RARG: variants seen among roughly 807,000 people sequenced by gnomAD.
RARG encodes the protein RAR-gamma.
RARG carries 17 observed loss-of-function variants against 43.7 expected under a neutral mutation model. The ratio of observed to expected loss-of-function variants is 0.39; its 90% CI spans 0.27 to 0.58. RARG has a LOEUF of 0.58. Ranked by LOEUF, RARG falls within the 20% of genes least tolerant of loss-of-function variation. The pLI, the probability that RARG is intolerant of heterozygous loss-of-function variation, is 0.57. For synonymous variants in RARG, 238 were observed against 236.4 expected, an observed-to-expected ratio of 1.01 and a Z score of -0.06; for missense variants, 346 against 598.7, an observed-to-expected ratio of 0.58 and a Z score of 4.40.
intron 9 of RARG, 102 bp downstream of exon 9, chr12:53,212,981 CTG>C: frequency 7.7e-7 from 1 of 1,301,468 alleles, no homozygotes; most frequent in South Asian, 1.7e-5. Flanking sequence ...TGTAGATTGC[CTG>C]GTTCTCAACT....
At chr12:53,214,025 C>G (rs770013416) in intron 7 of RARG, 34 bp downstream of exon 7, 1 of 1,593,068 alleles carries the variant, frequency 6.3e-7, no homozygotes, top group Non-Finnish European at 8.6e-7. Flanking sequence ...ATATGTGGGT[C>G]GGGCTGTGGC....
chr12:53,217,855 G>A (rs192949670), intron 3 of RARG, among the ~76,000 whole-genome samples: 383 of 152,228 alleles, frequency 2.5e-3, no homozygotes, highest in Non-Finnish European at 3.3e-3. Context: ...CTTTATAACC[G>A]GCTGTAAACG....
intron 2 of RARG, among the ~76,000 whole-genome samples, chr12:53,228,814 T>A (rs1312222017): frequency 6.6e-6 from 1 of 152,192 alleles, no homozygotes; most frequent in Non-Finnish European, 1.5e-5. Context: ...CCTCAGATGA[T>A]CCGCCCACCT....
intron 2 of RARG, among the ~76,000 whole-genome samples, chr12:53,228,288 TA>T (rs1943155533): frequency 6.6e-6 from 1 of 152,230 alleles, no homozygotes; most frequent in African/African-American, 2.4e-5. Context: ...GCATGTCACT[TA>T]ATCTCTCTGT....
chr12:53,225,719 C>A (rs1592447262), intron 3 of RARG, among the ~76,000 whole-genome samples: 2 of 152,350 alleles, frequency 1.3e-5, no homozygotes, highest in East Asian at 3.8e-4. Context: ...TTGGAACCCC[C>A]ACCTGTAATG....
At chr12:53,231,357 C>T (rs757898959) in intron 1 of RARG, 122 bp from the exon 2 acceptor site, 1 of 152,238 alleles carries the variant, frequency 6.6e-6, no homozygotes, top group African/African-American at 2.4e-5. Context: ...CAGAGGTGCC[C>T]CCCACCTTGG....
In RARG at chr12:53,213,710, G is replaced by A; in HGVS notation, c.814-10C>T. On this transcript the variant is annotated splice_polypyrimidine_tract_variant and intron_variant, in intron 7 of 9. Transcript: ENST00000425354. This position sits in a 1 kb window ranked among gnomAD's most constrained non-coding sequence, Gnocchi z 4.7. The stretch of plus-strand genomic sequence containing the variant: ...TGCAGATACGCAGCATCTGGAGGTG[G>A]GGGGTGGAGGAGGGTTAGTGCTGTT... 6.2e-7 allele frequency: 1 copy of A among 1,605,126 alleles called. No homozygotes were observed. The highest frequency in any genetic ancestry group is 8.5e-7 in the Non-Finnish European group (1 of 1,172,414).
Position 53,213,708 on chromosome 12 carries a change from T to A in RARG, c.814-8A>T. 6.3e-7 allele frequency: 1 copy of A among 1,576,628 alleles called. No homozygotes were observed. Among genetic ancestry groups the A allele is most frequent in the South Asian group, 1.1e-5 (1 of 88,348 alleles). ...TGTGCAGATACGCAGCATCTGGAGG[T>A]GGGGGGTGGAGGAGGGTTAGTGCTG... On this transcript the variant is annotated splice_region_variant and splice_polypyrimidine_tract_variant and intron_variant, in intron 7 of 9. Coordinates refer to ENST00000425354, the MANE Select transcript of RARG (RefSeq NM_000966.6). The surrounding 1 kb of genome is among the most constrained non-coding windows in gnomAD (Gnocchi z 4.7).
chr12:53,214,094 T>C lies in RARG; in HGVS notation c.778A>G (p.Ile260Val), dbSNP rs1942688567. 2 of 1,613,902 alleles carry C rather than the reference T, an allele frequency of 1.2e-6. No homozygotes were observed. Among genetic ancestry groups the C allele is most frequent in the African/African-American group, 1.3e-5 (1 of 74,900 alleles). ...GFTGLSIADQ[I>V]TLLKAACLDI... ...AGGCAGGCAGCTTTGAGCAGAGTGA[T>C]CTGGTCAGCAATGCTGAGCCCTGTA... The change falls in exon 7 of 10, where the codon ATC becomes GTC. Residue 260 changes from isoleucine (I) to valine (V), a missense_variant. Ile to Val is a conservative substitution (Grantham distance 29). Transcript: ENST00000425354.
At chr12:53,217,052 C>T (rs1488383510) in intron 3 of RARG, among the ~76,000 whole-genome samples, 1 of 152,102 alleles carries the variant, frequency 6.6e-6, no homozygotes, top group Non-Finnish European at 1.5e-5. Flanking sequence ...CAGAAGCCCG[C>T]CCCAACGCAG....
chr12:53,211,590 C>A lies in RARG; in HGVS notation c.*86G>T. 1.6e-6 allele frequency: 2 copies of A among 1,247,024 alleles called. No homozygotes were observed. Among genetic ancestry groups the A allele is most frequent in the South Asian group, 1.8e-5 (1 of 54,454 alleles). 77.2% of individuals were successfully genotyped at this position (1,247,024 alleles called of 1,614,324 possible). ...GGGGTGGGGAGAGGGCAGAGCAGGTCCTCCCCCAGTCACTGGCGGTCTGGG... is the reference window on the plus strand; with the variant it reads ...GGGGTGGGGAGAGGGCAGAGCAGGTACTCCCCCAGTCACTGGCGGTCTGGG... On this transcript the variant is annotated 3_prime_UTR_variant, in exon 10 of 10. Transcript: ENST00000425354. This position sits in a 1 kb window ranked among gnomAD's most constrained non-coding sequence, Gnocchi z 4.6.
rs767403543 is a variant in RARG at position 53,215,360 on chromosome 12, C to A, written c.408G>T (p.Lys136Asn). 6.2e-7 allele frequency: 1 copy of A among 1,614,130 alleles called. No homozygotes were observed. Among genetic ancestry groups the A allele is most frequent in the Non-Finnish European group, 8.5e-7 (1 of 1,180,012 alleles). ...AGTACTGGCAGCGATTCCTGGTCAC[C>A]TTGTTGATGATACAGTTTTTGTCGC... ...CHRDKNCIIN[K>N]VTRNRCQYCR... The change falls in exon 5 of 10, where the codon AAG becomes AAT. Residue 136 changes from lysine to asparagine, a missense_variant. Transcript: ENST00000425354. This position sits in a 1 kb window ranked among gnomAD's most constrained non-coding sequence, Gnocchi z 6.4.
At chr12:53,214,702 T>C in intron 5 of RARG, 96 bp from the exon 6 acceptor site, 1 of 1,237,022 alleles carries the variant, frequency 8.1e-7, no homozygotes, top group East Asian at 2.6e-5. Context: ...GTCCTTATCA[T>C]GAATATCTAT....
chr12:53,230,124 G>A lies in RARG; in HGVS notation c.-143+1045C>T, dbSNP rs143870016. 311 of 322,804 alleles carry A rather than the reference G, an allele frequency of 9.6e-4. 2 individuals are homozygous for A. Among genetic ancestry groups the A allele is most frequent in the African/African-American group, 6.0e-3 (268 of 44,426 alleles). The allele number at this position is 322,804 out of a possible 1,614,324, so 20.0% of individuals were successfully genotyped here. Reference sequence around the variant, plus strand: ...ACTAAGGAATTGAAGGCAGTGCAGAGTAAAAGGAAGTCCTAAACTGAGGCC... The same window carrying A: ...ACTAAGGAATTGAAGGCAGTGCAGAATAAAAGGAAGTCCTAAACTGAGGCC... On this transcript the variant is annotated intron_variant, in intron 2 of 9. Transcript: ENST00000425354.
intron 3 of RARG, among the ~76,000 whole-genome samples, chr12:53,221,182 C>T (rs1236231595): frequency 6.6e-6 from 1 of 150,484 alleles, no homozygotes; most frequent in Non-Finnish European, 1.5e-5. Flanking sequence ...TCCAGCGCAG[C>T]CAGAGTCTAC....
chr12:53,231,086 A>T (rs1417316113), intron 2 of RARG, 83 bp downstream of exon 2: 2 of 152,216 alleles, frequency 1.3e-5, no homozygotes, highest in Admixed American at 6.5e-5. Flanking sequence ...AAAGCGGGAC[A>T]GTCATCTCAG....
chr12:53,214,371 G>T, intron 6 of RARG, 75 bp downstream of exon 6: 1 of 1,563,314 alleles, frequency 6.4e-7, no homozygotes, highest in Non-Finnish European at 8.8e-7. Context: ...GTCGATGATA[G>T]CCTCCAACAC....
chr12:53,221,621 T>G, intron 3 of RARG, among the ~76,000 whole-genome samples: 1 of 151,598 alleles, frequency 6.6e-6, no homozygotes, highest in African/African-American at 2.4e-5. Flanking sequence ...GAGAAGGGGG[T>G]GAGGTGGGCG....
At chr12:53,222,969 C>T (rs868506022) in intron 3 of RARG, among the ~76,000 whole-genome samples, 3 of 152,180 alleles carry the variant, frequency 2.0e-5, no homozygotes, top group African/African-American at 7.2e-5. Flanking sequence ...GGCATACCCC[C>T]CTCCCAGCTA....
Sources: gnomAD v4.1 joint callset for allele counts (sites outside exome capture counted in the v4.1 genomes callset) on GRCh38, gnomAD v4.1.1 for gene constraint, Gnocchi (gnomAD v3.1) non-coding constraint, MANE v1.5 for transcripts, NCBI Gene and HGNC (gene_info 2026-07-23, HGNC 2026-07-21) for gene names.